KIF26B: variants seen among roughly 807,000 people sequenced by gnomAD.
KIF26B encodes the protein kinesin-like protein KIF26B.
Under a neutral mutation model 151.2 loss-of-function variants are expected in KIF26B, and 63 were observed. The ratio of observed to expected loss-of-function variants is 0.42; its 90% CI spans 0.34 to 0.51. The LOEUF (loss-of-function observed/expected upper bound fraction) is 0.51, where lower values mean the gene tolerates loss of function less well. Ranked by LOEUF, KIF26B falls within the 20% of genes least tolerant of loss-of-function variation. KIF26B has a pLI of 0.07. For missense variants in KIF26B, 2,813 were observed against 2,913.6 expected (o/e 0.97, Z 0.79); for synonymous variants, 1,357 against 1,262.1 (o/e 1.08, Z -1.59).
chr1:245,638,171 C>T (rs895769138), intron 9 of KIF26B, among the ~76,000 whole-genome samples: 2 of 151,692 alleles, frequency 1.3e-5, no homozygotes, highest in Non-Finnish European at 3.0e-5. Context: ...CAATATCTTT[C>T]ATTGGTGTTT....
chr1:245,639,962 ATC>A (rs2043871036), intron 9 of KIF26B, among the ~76,000 whole-genome samples: 1 of 151,218 alleles, frequency 6.6e-6, no homozygotes, highest in African/African-American at 2.4e-5. Flanking sequence ...TTCTGTGAAT[ATC>A]TGTTAGGTCC....
At chr1:245,323,970 T>C (rs1186856376) in intron 2 of KIF26B, among the ~76,000 whole-genome samples, 1 of 100,224 alleles carries the variant, frequency 1.0e-5, no homozygotes, top group South Asian at 3.3e-4. Flanking sequence ...GGAGGTGGGG[T>C]GGGCCCTGCC....
intron 2 of KIF26B, among the ~76,000 whole-genome samples, chr1:245,268,600 G>A (rs1558368680): frequency 6.6e-6 from 1 of 151,728 alleles, no homozygotes; most frequent in Non-Finnish European, 1.5e-5. Flanking sequence ...TTTCCAGAGT[G>A]CACTGTTAGG....
At chr1:245,684,128 G>A (rs2044475524) in intron 10 of KIF26B, 105 bp from the exon 11 acceptor site, 1 of 1,224,674 alleles carries the variant, frequency 8.2e-7, no homozygotes, top group Non-Finnish European at 1.1e-6. Flanking sequence ...AGGGTGGGGG[G>A]ACCACCACCC....
In KIF26B at chr1:245,564,953, G is replaced by A. The variant is rs1354329595; in HGVS notation, c.1350+24003G>A. Among the ~76,000 whole-genome samples the A allele has an allele frequency of 6.6e-6, 1 of 152,138 alleles. No individual in the cohort carries two copies. The highest frequency in any genetic ancestry group is 1.5e-5 in the Non-Finnish European group (1 of 68,024). ...GGTAACGCTTACCTTCTGCTGTGTG[G>A]CCTGCTTCTTAACAGGACACCGACT... On this transcript the variant is annotated intron_variant, in intron 5 of 14. Transcript: ENST00000407071. This position sits in a 1 kb window ranked among gnomAD's most constrained non-coding sequence, Gnocchi z 4.6.
Position 245,706,945 on chromosome 1 carries a change from C to T in KIF26B, c.*4339C>T, listed in dbSNP as rs1297204999. The stretch of plus-strand genomic sequence containing the variant: ...GATTCTGATACCTCTTTTTCCACCT[C>T]CAGAAAGTATCTGTCAACATTGGTG... On this transcript the variant is annotated 3_prime_UTR_variant, in exon 15 of 15. Coordinates refer to ENST00000407071, the MANE Select transcript of KIF26B (RefSeq NM_018012.4). 1 of 152,176 alleles carries T rather than the reference C, an allele frequency of 6.6e-6. No individual in the cohort carries two copies. The highest frequency in any genetic ancestry group is 2.4e-5 in the African/African-American group (1 of 41,446). The allele number at this position is 152,176 out of a possible 1,614,324, so 9.4% of individuals were successfully genotyped here. A position where few individuals can be genotyped will look rare whatever the true frequency, so the allele number is the denominator to read the frequency against.
chr1:245,569,493 C>G (rs767569514), intron 5 of KIF26B, among the ~76,000 whole-genome samples: 6 of 152,064 alleles, frequency 3.9e-5, no homozygotes, highest in Non-Finnish European at 8.8e-5. Flanking sequence ...ACCTGTAATC[C>G]CAGCTACTCG....
At chr1:245,171,872 A>T (rs1457535869) in intron 2 of KIF26B, among the ~76,000 whole-genome samples, 1 of 152,150 alleles carries the variant, frequency 6.6e-6, no homozygotes, top group East Asian at 1.9e-4. Flanking sequence ...CGCTTGCACG[A>T]TGGTGTTAAT....
chr1:245,530,359 A>G (rs937821873), intron 4 of KIF26B, among the ~76,000 whole-genome samples: 3 of 152,232 alleles, frequency 2.0e-5, no homozygotes, highest in Non-Finnish European at 4.4e-5. Flanking sequence ...GGAGGTCAGT[A>G]TATCAAAGAG....
chr1:245,568,410 C>T (rs1258130114), intron 5 of KIF26B, among the ~76,000 whole-genome samples: 2 of 151,658 alleles, frequency 1.3e-5, no homozygotes, highest in Non-Finnish European at 2.9e-5. Context: ...GGTGGGTGGC[C>T]AAGTCAGGAG....
chr1:245,472,098 T>C (rs1659928471), intron 4 of KIF26B, among the ~76,000 whole-genome samples: 1 of 152,142 alleles, frequency 6.6e-6, no homozygotes, highest in Non-Finnish European at 1.5e-5. Flanking sequence ...AGTCAGATCT[T>C]ACATTCTGAT....
chr1:245,267,450 T>C (rs916695068), intron 2 of KIF26B, among the ~76,000 whole-genome samples: 1 of 152,210 alleles, frequency 6.6e-6, no homozygotes, highest in African/African-American at 2.4e-5. Context: ...TGAGTGCCCT[T>C]TCTCAGTGCA....
At chr1:245,623,772 G>C (rs1027058220) in intron 9 of KIF26B, among the ~76,000 whole-genome samples, 1 of 152,160 alleles carries the variant, frequency 6.6e-6, no homozygotes, top group Non-Finnish European at 1.5e-5. Context: ...TGTTTACGTT[G>C]GGTCCTATTT....
chr1:245,547,112 G>T (rs1018871211), intron 5 of KIF26B, among the ~76,000 whole-genome samples: 2 of 152,272 alleles, frequency 1.3e-5, no homozygotes, highest in Admixed American at 1.3e-4. Flanking sequence ...AGGTGGCGCT[G>T]CCAGAAGGGC....
At chr1:245,231,944 A>T (rs1387278031) in intron 2 of KIF26B, among the ~76,000 whole-genome samples, 2 of 152,260 alleles carry the variant, frequency 1.3e-5, no homozygotes, top group Non-Finnish European at 2.9e-5. Context: ...CTCAGGGACT[A>T]CTGTCCTAAC....
At chr1:245,337,898 C>T (rs1181263364) in intron 2 of KIF26B, among the ~76,000 whole-genome samples, 3 of 152,176 alleles carry the variant, frequency 2.0e-5, no homozygotes, top group African/African-American at 7.2e-5. Context: ...CTTTAGATAG[C>T]GTGCTTGGCC....
chr1:245,565,671 T>C (rs73135663), intron 5 of KIF26B, among the ~76,000 whole-genome samples: 18,237 of 152,154 alleles, frequency 0.12, 1,475 homozygotes, highest in East Asian at 0.22. Flanking sequence ...GGTATGACAT[T>C]AGTACTAACC....
At chr1:245,678,727 G>T (rs1335350782) in intron 10 of KIF26B, among the ~76,000 whole-genome samples, 2 of 152,080 alleles carry the variant, frequency 1.3e-5, no homozygotes, top group Non-Finnish European at 2.9e-5. Context: ...GCTGGGCGTG[G>T]TGGTGCATGC....
chr1:245,411,945 G>A (rs566789810), intron 3 of KIF26B, among the ~76,000 whole-genome samples: 6 of 152,286 alleles, frequency 3.9e-5, no homozygotes, highest in East Asian at 3.9e-4. Flanking sequence ...GAACATCGGC[G>A]TGATCAACTC....
Sources: allele counts gnomAD v4.1 joint callset (sites outside exome capture counted in the v4.1 genomes callset), GRCh38; gene constraint gnomAD v4.1.1; non-coding constraint Gnocchi (gnomAD v3.1); transcripts MANE v1.5; gene names NCBI Gene and HGNC (gene_info 2026-07-23, HGNC 2026-07-21).